PHF21A: variants seen among roughly 807,000 people sequenced by gnomAD.
PHF21A encodes BHC80a.
Under a neutral mutation model 82.5 loss-of-function variants are expected in PHF21A, and 11 were observed. The ratio of observed to expected loss-of-function variants is 0.13; its 90% confidence interval spans 0.08 to 0.22. The LOEUF (loss-of-function observed/expected upper bound fraction) is 0.22. PHF21A is among the 10% of genes least tolerant of loss of function. PHF21A has a pLI of 1.00. For synonymous variants in PHF21A, 297 were observed against 302.8 expected, an observed-to-expected ratio of 0.98 and a Z score of 0.20; for missense variants, 579 against 837.8, an observed-to-expected ratio of 0.69 and a Z score of 3.81.
chr11:45,986,787 G>A (rs2094504093), intron 6 of PHF21A, among the ~76,000 whole-genome samples: 1 of 152,024 alleles, frequency 6.6e-6, no homozygotes, highest in African/African-American at 2.4e-5. Context: ...TTAACTCAGA[G>A]CAACAGCTAA....
At chr11:45,999,505 G>T (rs11038740) in intron 6 of PHF21A, among the ~76,000 whole-genome samples, 138 of 152,300 alleles carry the variant, frequency 9.1e-4, no homozygotes, top group Non-Finnish European at 1.4e-3. Flanking sequence ...AGACTAGAAA[G>T]TAGAATTATT....
intron 6 of PHF21A, among the ~76,000 whole-genome samples, chr11:46,066,009 CAAAAG>C (rs1565817420): frequency 1.3e-5 from 2 of 152,182 alleles, no homozygotes; most frequent in Non-Finnish European, 2.9e-5. Flanking sequence ...TTTAAAATTT[CAAAAG>C]ACAGCTTCCT....
chr11:46,067,675 T>G (rs2096610775), intron 6 of PHF21A, among the ~76,000 whole-genome samples: 2 of 152,112 alleles, frequency 1.3e-5, no homozygotes, highest in South Asian at 4.1e-4. Context: ...GGGACATCCT[T>G]GGCCACCTTA....
chr11:46,001,627 T>C (rs1294525636), intron 6 of PHF21A, among the ~76,000 whole-genome samples: 1 of 152,176 alleles, frequency 6.6e-6, no homozygotes, highest in Non-Finnish European at 1.5e-5. Flanking sequence ...TTTTCCCCCA[T>C]GCTTACATTT....
intron 7 of PHF21A, among the ~76,000 whole-genome samples, chr11:45,976,942 T>G (rs1483664329): frequency 2.0e-5 from 3 of 152,158 alleles, no homozygotes; most frequent in African/African-American, 7.2e-5. Flanking sequence ...ATTTGCATCA[T>G]TTGCATTAAA....
chr11:45,973,172 A>C (rs1231961007), intron 7 of PHF21A, among the ~76,000 whole-genome samples: 3 of 152,268 alleles, frequency 2.0e-5, no homozygotes, highest in African/African-American at 7.2e-5. Context: ...CCTCAGTTGC[A>C]CTAGCCACAT....
At position 45,931,491 on chromosome 11, in the gene PHF21A, C is replaced by T. The variant is rs2087651164; in HGVS notation, c.*2477G>A. 1 of 152,264 alleles carries T rather than the reference C, an allele frequency of 6.6e-6. No homozygotes were observed. The highest frequency in any genetic ancestry group is 2.4e-5 in the African/African-American group (1 of 41,458). 9.4% of individuals were successfully genotyped at this position (152,264 alleles called of 1,614,324 possible). On this transcript the variant is annotated 3_prime_UTR_variant, in exon 19 of 19. Transcript: ENST00000676320. ...AGCCAATCAAGCAGCCAGGGCCTAACTCTGAGGCCTGTTCAGCCTAACTTA... is the reference window on the plus strand; with the variant it reads ...AGCCAATCAAGCAGCCAGGGCCTAATTCTGAGGCCTGTTCAGCCTAACTTA...
chr11:45,987,957 A>T (rs2094553862), intron 6 of PHF21A, among the ~76,000 whole-genome samples: 1 of 152,188 alleles, frequency 6.6e-6, no homozygotes, highest in African/African-American at 2.4e-5. Context: ...TTTTCCTCAC[A>T]AAAGAATGCT....
At chr11:46,023,939 C>T (rs1565595188) in intron 6 of PHF21A, among the ~76,000 whole-genome samples, 1 of 152,072 alleles carries the variant, frequency 6.6e-6, no homozygotes, top group East Asian at 1.9e-4. Flanking sequence ...CTGGGCGACA[C>T]GGCAAGACAC....
intron 6 of PHF21A, among the ~76,000 whole-genome samples, chr11:46,070,451 C>T (rs1452725697): frequency 6.6e-6 from 1 of 152,048 alleles, no homozygotes; most frequent in Non-Finnish European, 1.5e-5. Flanking sequence ...CCGCCTCAGC[C>T]TCCTGAGCAG....
chr11:45,971,446 G>T, intron 7 of PHF21A, 79 bp from the exon 8 acceptor site: 1 of 1,268,124 alleles, frequency 7.9e-7, no homozygotes, highest in Non-Finnish European at 1.1e-6. Flanking sequence ...ACAATATGCT[G>T]CTTAACCTTG....
intron 6 of PHF21A, among the ~76,000 whole-genome samples, chr11:46,047,787 C>T (rs574861110): frequency 1.3e-5 from 2 of 152,038 alleles, no homozygotes; most frequent in African/African-American, 4.8e-5. Context: ...ATGGTGAGGT[C>T]CAGTGGGGAT....
intron 10 of PHF21A, among the ~76,000 whole-genome samples, chr11:45,963,420 C>T (rs1400665655): frequency 5.6e-5 from 5 of 89,950 alleles, no homozygotes; most frequent in Admixed American, 2.2e-4. Context: ...AACTCTGTGT[C>T]AAAAAAAAAA....
chr11:45,938,837 CTT>C (rs1315107302), intron 15 of PHF21A, among the ~76,000 whole-genome samples: 13 of 143,132 alleles, frequency 9.1e-5, no homozygotes, highest in Non-Finnish European at 7.7e-5. Flanking sequence ...CTAGTGTATT[CTT>C]TTTTTTTTTT....
chr11:45,978,318 A>C (rs1325768471), intron 7 of PHF21A, among the ~76,000 whole-genome samples: 5 of 147,130 alleles, frequency 3.4e-5, no homozygotes, highest in Admixed American at 1.4e-4. Flanking sequence ...CAATAACAAA[A>C]AAACAAACAA....
chr11:45,950,603 G>C (rs957793412), intron 11 of PHF21A, among the ~76,000 whole-genome samples: 1 of 152,104 alleles, frequency 6.6e-6, no homozygotes, highest in African/African-American at 2.4e-5. Context: ...CGCATTCAAA[G>C]CCATCCTGGG....
Position 46,037,291 on chromosome 11 carries a change from A to T in PHF21A, c.153+39463T>A, listed in dbSNP as rs553643924. On this transcript the variant is annotated intron_variant, in intron 6 of 18. Transcript: ENST00000676320. ...TAAAATTCTAGTGTCACAATCCTGTACCCTCAGAATTCTATGAAATTCCAT... is the reference window on the plus strand; with the variant it reads ...TAAAATTCTAGTGTCACAATCCTGTTCCCTCAGAATTCTATGAAATTCCAT... Among the ~76,000 whole-genome samples the T allele has an allele frequency of 2.0e-5, 3 of 152,298 alleles. No homozygotes were observed. In the East Asian group the frequency reaches 5.8e-4, roughly 29 times the overall value.
intron 6 of PHF21A, among the ~76,000 whole-genome samples, chr11:46,020,598 G>A (rs866572349): frequency 6.6e-6 from 1 of 151,874 alleles, no homozygotes; most frequent in East Asian, 1.9e-4. Context: ...TATCCTCTTC[G>A]GTCCTATTTA....
chr11:46,075,540 ACT>A (rs1489052845), intron 6 of PHF21A, among the ~76,000 whole-genome samples: 3 of 151,760 alleles, frequency 2.0e-5, no homozygotes, highest in East Asian at 3.9e-4. Context: ...ATACTAACCG[ACT>A]CTGTTTATAT....
Sources: allele counts gnomAD v4.1 joint callset (sites outside exome capture counted in the v4.1 genomes callset), GRCh38; gene constraint gnomAD v4.1.1; transcripts MANE v1.5; gene names NCBI Gene and HGNC (gene_info 2026-07-23, HGNC 2026-07-21).